Variants in ZSCAN2 observed in about 807,000 individuals in gnomAD.
ZSCAN2 encodes the protein zinc finger and SCAN domain containing 2.
ZSCAN2 carries 26 observed loss-of-function variants against 47.8 expected under a neutral mutation model. The observed-to-expected ratio is 0.54, with a 90% confidence interval of 0.40 to 0.75. ZSCAN2 has a LOEUF of 0.75. Ranked by LOEUF, ZSCAN2 falls within the 30% of genes least tolerant of loss-of-function variation. The probability of loss-of-function intolerance (pLI) is 0.00; values close to 1 mark genes in which losing one functional copy is unlikely to be tolerated. For missense variants in ZSCAN2, 732 were observed against 785.4 expected, an observed-to-expected ratio of 0.93 and a Z score of 0.81; for synonymous variants, 305 against 288.7, an observed-to-expected ratio of 1.06 and a Z score of -0.57.
chr15:84,606,519 T>A (rs748159049), intron 2 of ZSCAN2: 4 of 1,600,868 alleles, frequency 2.5e-6, no homozygotes, highest in Non-Finnish European at 3.4e-6. Context: ...CCTGTCTCCC[T>A]ATTTTACAGC....
intron 2 of ZSCAN2, chr15:84,606,413 G>T (rs1368423649): frequency 2.5e-6 from 2 of 799,012 alleles, no homozygotes; most frequent in Non-Finnish European, 4.3e-6. Context: ...GTCTCTTTCT[G>T]CATGGAGATC....
chr15:84,606,256 T>C, intron 2 of ZSCAN2: 1 of 407,444 alleles, frequency 2.5e-6, no homozygotes, highest in Middle Eastern at 7.5e-4. Context: ...AGGTCTGCAG[T>C]GACCCAGCCC....
At chr15:84,620,505 C>A in intron 2 of ZSCAN2, 97 bp from the exon 3 acceptor site, 1 of 1,120,192 alleles carries the variant, frequency 8.9e-7, no homozygotes, top group Non-Finnish European at 1.3e-6. Flanking sequence ...TTTGTGTTCA[C>A]TGGAAGTTTA....
In ZSCAN2 at chr15:84,623,327, C is replaced by T. The variant is rs535474496; in HGVS notation, c.*1287C>T. On this transcript the variant is annotated 3_prime_UTR_variant, in exon 3 of 3. Transcript: ENST00000546148. ...CAGGATGGTTTCGATCTCCTGTCCT[C>T]GTGATCTGCCCGCCTTGGCCTCCCG... 669 of 198,564 alleles carry T rather than the reference C, an allele frequency of 3.4e-3. 24 individuals are homozygous for T. In the South Asian group the frequency reaches 0.045, roughly 13 times the overall value. 12.3% of individuals were successfully genotyped at this position (198,564 alleles called of 1,614,324 possible).
In ZSCAN2 at chr15:84,603,817, C is replaced by T; in HGVS notation, c.-108-3C>T. On this transcript the variant is annotated splice_polypyrimidine_tract_variant and splice_region_variant and intron_variant, in intron 1 of 2. Transcript: ENST00000546148. Reference sequence around the variant, plus strand: ...GATTATGGTTCTCTTTTTTGTTTCTCAGCGGGACTACTTGTTGATATTTGA... The same window carrying T: ...GATTATGGTTCTCTTTTTTGTTTCTTAGCGGGACTACTTGTTGATATTTGA... 1 of 1,297,966 alleles carries T rather than the reference C, an allele frequency of 7.7e-7. No individual in the cohort carries two copies. Among genetic ancestry groups the T allele is most frequent in the Non-Finnish European group, 1.1e-6 (1 of 940,844 alleles). 80.4% of individuals were successfully genotyped at this position (1,297,966 alleles called of 1,614,324 possible).
chr15:84,601,282 C>G (rs1262190044), intron 1 of ZSCAN2, 147 bp downstream of exon 1: 4 of 152,294 alleles, frequency 2.6e-5, no homozygotes, highest in African/African-American at 9.6e-5. Context: ...CCCTGCAGCC[C>G]CGATTTACGC....
In ZSCAN2 at chr15:84,604,744, T is replaced by TC. The variant is rs1354431242; in HGVS notation, c.406+411_406+412insC. 2.8e-4 allele frequency among the ~76,000 whole-genome samples: 41 copies of TC among 146,788 alleles called. 1 individual carries two copies. The highest frequency in any genetic ancestry group is 8.6e-4 in the African/African-American group (35 of 40,506). ...TGACTTTTTTTTCTTTTTTCTTTTT[T>TC]TTTTTTTTTTTGAAACGGAGTCTCG... On this transcript the variant is annotated intron_variant, in intron 2 of 2. Transcript: ENST00000546148.
intron 2 of ZSCAN2, chr15:84,616,634 T>C (rs2141790312): frequency 2.5e-6 from 3 of 1,187,106 alleles, no homozygotes; most frequent in East Asian, 4.0e-5. Context: ...TCCGAGCTCA[T>C]TGGAGAGCTA....
At chr15:84,611,475 G>A (rs1596031477) in intron 2 of ZSCAN2, among the ~76,000 whole-genome samples, 1 of 151,248 alleles carries the variant, frequency 6.6e-6, no homozygotes, top group South Asian at 2.1e-4. Context: ...CAGGCCAGTC[G>A]TGGTGGCTCA....
At chr15:84,610,800 T>G (rs1486708348) in intron 2 of ZSCAN2, among the ~76,000 whole-genome samples, 1 of 151,962 alleles carries the variant, frequency 6.6e-6, no homozygotes, top group Admixed American at 6.6e-5. Context: ...ACAGAAGTGT[T>G]TCATATAAAA....
At chr15:84,611,786 T>G (rs1459572146) in intron 2 of ZSCAN2, 2 of 152,212 alleles carry the variant, frequency 1.3e-5, no homozygotes, top group Admixed American at 1.3e-4. Flanking sequence ...AAAAAGTGGA[T>G]GTCTGGGCCA....
intron 2 of ZSCAN2, among the ~76,000 whole-genome samples, chr15:84,612,705 G>C (rs925455149): frequency 2.0e-5 from 3 of 151,996 alleles, no homozygotes; most frequent in Non-Finnish European, 2.9e-5. Flanking sequence ...ACTGTACTCC[G>C]GCCTGGAAGA....
At chr15:84,618,304 G>T (rs934677881) in intron 2 of ZSCAN2, among the ~76,000 whole-genome samples, 3 of 152,108 alleles carry the variant, frequency 2.0e-5, no homozygotes, top group African/African-American at 7.2e-5. Context: ...TGTAGTCCCA[G>T]CTACTCTGGA....
rs1479348380 is a variant in ZSCAN2 at position 84,623,523 on chromosome 15, G to C, written c.*1483G>C. On this transcript the variant is annotated 3_prime_UTR_variant, in exon 3 of 3. Transcript: ENST00000546148. Reference sequence around the variant, plus strand: ...AGGATGCTACCAGGGCTTTGTTCTCGGGATCCTCGCACCTGGAGAGTGAAG... The same window carrying C: ...AGGATGCTACCAGGGCTTTGTTCTCCGGATCCTCGCACCTGGAGAGTGAAG... 2 of 167,582 alleles carry C rather than the reference G, an allele frequency of 1.2e-5. No individual in the cohort carries two copies. Among genetic ancestry groups the C allele is most frequent in the African/African-American group, 2.4e-5 (1 of 41,426 alleles). 10.4% of individuals were successfully genotyped at this position (167,582 alleles called of 1,614,324 possible).
At chr15:84,609,815 G>T (rs980294908) in intron 2 of ZSCAN2, among the ~76,000 whole-genome samples, 1 of 152,224 alleles carries the variant, frequency 6.6e-6, no homozygotes, top group Non-Finnish European at 1.5e-5. Context: ...GCAGGAAGGG[G>T]CTGGAGAAGA....
chr15:84,615,735 C>T (rs751412184), intron 2 of ZSCAN2, among the ~76,000 whole-genome samples: 2 of 152,076 alleles, frequency 1.3e-5, no homozygotes, highest in Non-Finnish European at 2.9e-5. Flanking sequence ...TGGTGCTTTC[C>T]AAGATGCCTA....
intron 1 of ZSCAN2, among the ~76,000 whole-genome samples, chr15:84,603,156 C>G (rs1200937640): frequency 6.6e-6 from 1 of 152,080 alleles, no homozygotes; most frequent in Non-Finnish European, 1.5e-5. Flanking sequence ...CCCATAAAAA[C>G]AGAAACATGA....
rs1895310269 is a variant in ZSCAN2, at chr15:84,604,345, A to C, written c.406+12A>C. 6.3e-7 allele frequency: 1 copy of C among 1,597,322 alleles called. No homozygotes were observed. The highest frequency in any genetic ancestry group is 8.5e-7 in the Non-Finnish European group (1 of 1,171,186). On this transcript the variant is annotated intron_variant, in intron 2 of 2. Transcript: ENST00000546148. Reference sequence around the variant, plus strand: ...CCTTCAGGACAGTGGTGAGACGCAGAACCTCATAGGGAGAGGGCGGGAGCA... The same window carrying C: ...CCTTCAGGACAGTGGTGAGACGCAGCACCTCATAGGGAGAGGGCGGGAGCA...
chr15:84,601,876 T>C (rs1895212951), intron 1 of ZSCAN2: 1 of 152,050 alleles, frequency 6.6e-6, no homozygotes, highest in South Asian at 2.1e-4. Context: ...TTTTATAATA[T>C]TTTAAGTCGT....
Sources: allele counts gnomAD v4.1 joint callset (sites outside exome capture counted in the v4.1 genomes callset), GRCh38; gene constraint gnomAD v4.1.1; transcripts MANE v1.5; gene names NCBI Gene and HGNC (gene_info 2026-07-23, HGNC 2026-07-21).